ACAT2: variants seen among roughly 807,000 people sequenced by gnomAD.
The protein encoded by ACAT2 is acetyl-CoA acetyltransferase 2.
A neutral mutation model predicts 37.1 loss-of-function variants in ACAT2; 26 were observed. That is an observed-to-expected ratio of 0.70 (90% CI 0.51 to 0.97). ACAT2 has a LOEUF of 0.97. Among genes scored for constraint, ACAT2 ranks in the 50% least tolerant of loss-of-function variants. ACAT2 has a pLI of 0.00. For synonymous variants in ACAT2, 156 were observed against 163.6 expected (o/e 0.95, Z 0.35); for missense variants, 468 against 489.0 (o/e 0.96, Z 0.40).
At chr6:159,765,180 A>G (rs570800964) in intron 2 of ACAT2, among the ~76,000 whole-genome samples, 65 of 152,026 alleles carry the variant, frequency 4.3e-4, no homozygotes, top group African/African-American at 1.5e-3. Flanking sequence ...CAGTGACGCA[A>G]TCTTGGCTCA....
At chr6:159,774,628 G>C (rs1488369602) in intron 4 of ACAT2, among the ~76,000 whole-genome samples, 3 of 152,056 alleles carry the variant, frequency 2.0e-5, no homozygotes, top group African/African-American at 7.2e-5. Context: ...ATTTTTAATG[G>C]AGACAGGGTC....
chr6:159,762,416 G>C (rs189295187), intron 1 of ACAT2: 1 of 1,373,188 alleles, frequency 7.3e-7, no homozygotes, highest in Non-Finnish European at 9.4e-7. Flanking sequence ...CTCTCCCATT[G>C]GTTGGCGTAG....
chr6:159,763,612 C>T (rs1780196951), intron 2 of ACAT2, among the ~76,000 whole-genome samples: 2 of 148,396 alleles, frequency 1.3e-5, no homozygotes, highest in South Asian at 2.1e-4. Context: ...ACACCACCTA[C>T]ACTGCCTTTT....
chr6:159,775,396 G>T, intron 5 of ACAT2, 83 bp downstream of exon 5: 1 of 1,454,872 alleles, frequency 6.9e-7, no homozygotes, highest in African/African-American at 1.4e-5. Context: ...GGAATCTTTA[G>T]AAATTATATC....
chr6:159,764,510 C>T (rs926744218), intron 2 of ACAT2, among the ~76,000 whole-genome samples: 9 of 152,144 alleles, frequency 5.9e-5, no homozygotes, highest in Non-Finnish European at 1.0e-4. Context: ...TGTAATCAAT[C>T]GTAGCCCACT....
chr6:159,768,710 G>A (rs879027141), intron 4 of ACAT2, 82 bp downstream of exon 4: 10 of 910,214 alleles, frequency 1.1e-5, no homozygotes, highest in East Asian at 4.9e-5. Context: ...AGGTGCTTTC[G>A]TCCTTATGGC....
chr6:159,776,791 CTTT>C lies in ACAT2; in HGVS notation c.758-504_758-502del, dbSNP rs575925293. ...TCTCCCCTCCCCAACTGCTGTAATCCTTTTTTTTTCTTTTTGAGACGGAGCCTC... is the reference window on the plus strand; with the variant it reads ...TCTCCCCTCCCCAACTGCTGTAATCCTTTTTTCTTTTTGAGACGGAGCCTC... On this transcript the variant is annotated intron_variant, in intron 6 of 8. Coordinates refer to ENST00000367048, the MANE Select transcript of ACAT2 (RefSeq NM_005891.3). Among the ~76,000 whole-genome samples, 292 of 151,410 alleles carry C rather than the reference CTTT, an allele frequency of 1.9e-3. 1 individual carries two copies. Among genetic ancestry groups the C allele is most frequent in the African/African-American group, 6.7e-3 (275 of 41,264 alleles).
At chr6:159,771,970 A>T (rs973350818) in intron 4 of ACAT2, among the ~76,000 whole-genome samples, 3 of 152,186 alleles carry the variant, frequency 2.0e-5, no homozygotes, top group Admixed American at 6.5e-5. Flanking sequence ...TCACGCCTGT[A>T]ATCCTAGCAC....
intron 4 of ACAT2, among the ~76,000 whole-genome samples, chr6:159,772,809 CA>C (rs79050096): frequency 1.4e-3 from 170 of 118,898 alleles, no homozygotes; most frequent in East Asian, 2.8e-3. Context: ...CATCATCCAA[CA>C]AAAAAAAAAA....
At chr6:159,776,699 C>T (rs1410717912) in intron 6 of ACAT2, among the ~76,000 whole-genome samples, 1 of 152,160 alleles carries the variant, frequency 6.6e-6, no homozygotes, top group Non-Finnish European at 1.5e-5. Context: ...TTGTATTTTT[C>T]CAGTACCAGA....
At chr6:159,772,579 C>T (rs1280820603) in intron 4 of ACAT2, among the ~76,000 whole-genome samples, 2 of 152,084 alleles carry the variant, frequency 1.3e-5, no homozygotes, top group Non-Finnish European at 2.9e-5. Flanking sequence ...TGAGATAAAT[C>T]GTGGATTTAA....
At chr6:159,769,823 A>AG (rs1444441430) in intron 4 of ACAT2, among the ~76,000 whole-genome samples, 2 of 152,182 alleles carry the variant, frequency 1.3e-5, no homozygotes, top group African/African-American at 4.8e-5. Flanking sequence ...GGGCAGAATA[A>AG]GGGGGAGAAG....
intron 6 of ACAT2, among the ~76,000 whole-genome samples, chr6:159,776,874 C>T (rs553306917): frequency 3.0e-4 from 46 of 152,154 alleles, no homozygotes; most frequent in Admixed American, 1.8e-3. Context: ...CTGCAATCTC[C>T]GCCTCCCAGG....
In ACAT2 at chr6:159,775,126, G is replaced by C. The variant is rs756861222; in HGVS notation, c.491-44G>C. 17 of 1,606,750 alleles carry C rather than the reference G, an allele frequency of 1.1e-5. No homozygotes were observed. The African/African-American group carries it at 1.3e-4, about 13-fold the overall frequency. On this transcript the variant is annotated intron_variant, in intron 4 of 8. Coordinates refer to ENST00000367048, the MANE Select transcript of ACAT2 (RefSeq NM_005891.3). ...GGACGACTTGAGCTATCAAATGCCA[G>C]TTCATGAAAATGTTAGTTTTTTGCT...
chr6:159,762,131 G>A lies in ACAT2; in HGVS notation c.44G>A (p.Arg15Gln), dbSNP rs1178850432. The A allele has an allele frequency of 3.1e-6, 5 of 1,612,326 alleles. No homozygotes were observed. Among genetic ancestry groups the A allele is most frequent in the Non-Finnish European group, 1.7e-6 (2 of 1,179,240 alleles). Reference sequence around the variant, plus strand: ...CCTGTGGTCATCGTCTCGGCGGCGCGGACCATCATAGGTGAGTGGCCGGCG... The same window carrying A: ...CCTGTGGTCATCGTCTCGGCGGCGCAGACCATCATAGGTGAGTGGCCGGCG... Reference protein sequence around the residue: ...SDPVVIVSAARTIIGSFNGAL... With the variant: ...SDPVVIVSAAQTIIGSFNGAL... The change falls in exon 1 of 9, where the codon CGG (arginine) becomes CAG (glutamine). Residue 15 changes from arginine to glutamine, a missense_variant. Transcript: ENST00000367048.
chr6:159,772,774 C>A (rs968103815), intron 4 of ACAT2, among the ~76,000 whole-genome samples: 2 of 151,316 alleles, frequency 1.3e-5, no homozygotes, highest in Admixed American at 6.6e-5. Context: ...AGCTGCTGCA[C>A]TCCAGCCTGG....
intron 7 of ACAT2, among the ~76,000 whole-genome samples, chr6:159,777,870 T>C (rs970442110): frequency 2.1e-4 from 32 of 152,326 alleles, no homozygotes; most frequent in Admixed American, 1.6e-3. Context: ...GATCACATGC[T>C]TTCTAGGGGA....
At position 159,778,651 on chromosome 6, in the gene ACAT2, C is replaced by A. The variant is rs749450146; in HGVS notation, c.1024-8C>A. On this transcript the variant is annotated splice_region_variant and splice_polypyrimidine_tract_variant and intron_variant, in intron 8 of 8. Transcript: ENST00000367048. The stretch of plus-strand genomic sequence containing the variant: ...AATAAACAATCTAAATCTTTTCTCC[C>A]CCGTTAGGTCAATATTGAAGGAGGG... 6.2e-7 allele frequency: 1 copy of A among 1,613,006 alleles called. No homozygotes were observed. Among genetic ancestry groups the A allele is most frequent in the East Asian group, 2.2e-5 (1 of 44,854 alleles).
intron 2 of ACAT2, among the ~76,000 whole-genome samples, chr6:159,764,435 A>AATT (rs201361862): frequency 7.3e-5 from 11 of 149,708 alleles, no homozygotes; most frequent in African/African-American, 1.3e-4. Context: ...TTAATTAATT[A>AATT]ATTATTATTA....
Sources: allele counts gnomAD v4.1 joint callset (sites outside exome capture counted in the v4.1 genomes callset), GRCh38; gene constraint gnomAD v4.1.1; transcripts MANE v1.5; gene names NCBI Gene and HGNC (gene_info 2026-07-23, HGNC 2026-07-21).